Variants in C13orf46 observed in about 807,000 individuals in gnomAD.
C13orf46 encodes the protein chromosome 13 open reading frame 46, also known as uncharacterized protein C13orf46.
chr13:113,969,158 C>A lies in C13orf46; in HGVS notation c.243-398G>T, dbSNP rs1417620885. On this transcript the variant is annotated intron_variant, in intron 2 of 6. Coordinates refer to ENST00000636427, the MANE Select transcript of C13orf46 (RefSeq NM_001365455.2). ...CATGCTGGCCAGTAGGCTGGAGGGT[C>A]CACGGTTGGCCCTGCTGTTACTCGC... 2.0e-5 allele frequency among the ~76,000 whole-genome samples: 3 copies of A among 152,372 alleles called. No individual in the cohort carries two copies. The East Asian group carries it at 5.8e-4, about 29-fold the overall frequency.
At chr13:113,937,900 G>A in the C13orf46 span, among the ~76,000 whole-genome samples, 11 of 152,306 alleles carry the variant, frequency 7.2e-5, no homozygotes, top group South Asian at 8.3e-4. Flanking sequence ...TTTGTCTCAC[G>A]GGAGCAGTGG....
At chr13:113,945,614 AAGAAAGAAAG>A in the C13orf46 span, among the ~76,000 whole-genome samples, 1 of 84,070 alleles carries the variant, frequency 1.2e-5, no homozygotes. Flanking sequence ...AGAAGAAAGA[AAGAAAGAAAG>A]AAAGAAAGAA....
the C13orf46 span, among the ~76,000 whole-genome samples, chr13:113,938,327 G>C: frequency 6.6e-6 from 1 of 152,194 alleles, no homozygotes; most frequent in Non-Finnish European, 1.5e-5. Context: ...TACAGTCCTG[G>C]AGGGGAAAGT....
chr13:113,952,051 C>G (rs1051171498), downstream of C13orf46, among the ~76,000 whole-genome samples: 3 of 152,332 alleles, frequency 2.0e-5, no homozygotes, highest in Admixed American at 6.5e-5. Flanking sequence ...ACGATTGTTC[C>G]GACAGCCCCC....
At chr13:113,942,447 C>T in the C13orf46 span, among the ~76,000 whole-genome samples, 3 of 152,336 alleles carry the variant, frequency 2.0e-5, no homozygotes, top group African/African-American at 7.2e-5. Flanking sequence ...GGACGATTAT[C>T]CCCTACAGAG....
intron 1 of C13orf46, among the ~76,000 whole-genome samples, 181 bp downstream of exon 1, chr13:113,973,627 G>A (rs2052732386): frequency 6.6e-6 from 1 of 152,170 alleles, no homozygotes; most frequent in Non-Finnish European, 1.5e-5. Context: ...ATGACGTCAG[G>A]CCGTGCCCCG....
At chr13:113,968,830 T>C (rs896996581) in intron 2 of C13orf46, 70 bp from the exon 3 acceptor site, 106,665 of 152,358 alleles carry the variant, frequency 0.7, 38,210 homozygotes, top group African/African-American at 0.86. Context: ...TGGTCTCCTC[T>C]GGGTCTGTCT....
At chr13:113,944,336 C>T in the C13orf46 span, among the ~76,000 whole-genome samples, 3 of 152,222 alleles carry the variant, frequency 2.0e-5, no homozygotes, top group South Asian at 2.1e-4. Context: ...ATTCTGATCC[C>T]GGCTCTGCTG....
intron 1 of C13orf46, among the ~76,000 whole-genome samples, chr13:113,971,538 GT>G (rs1320988691): frequency 6.6e-6 from 1 of 152,230 alleles, no homozygotes; most frequent in Non-Finnish European, 1.5e-5. Context: ...GATTCTCACT[GT>G]GCTCTTGCCG....
chr13:113,937,512 T>A, the C13orf46 span, among the ~76,000 whole-genome samples: 4 of 152,242 alleles, frequency 2.6e-5, no homozygotes, highest in Non-Finnish European at 4.4e-5. Context: ...TCAGTAGCGT[T>A]GTAAACCAAA....
At chr13:113,929,523 A>G in the C13orf46 span, among the ~76,000 whole-genome samples, 4 of 152,244 alleles carry the variant, frequency 2.6e-5, no homozygotes, top group African/African-American at 9.6e-5. Flanking sequence ...GTTCAGGCAC[A>G]CGGTGCCCTG....
At chr13:113,939,201 G>A in the C13orf46 span, among the ~76,000 whole-genome samples, 1 of 152,188 alleles carries the variant, frequency 6.6e-6, no homozygotes, top group African/African-American at 2.4e-5. Flanking sequence ...ACATAGGCTT[G>A]GCTGCCTGAC....
chr13:113,955,926 G>A lies in C13orf46; in HGVS notation c.*847C>T, dbSNP rs1247966234. Reference sequence around the variant, plus strand: ...ATCTCGCAGAGAGGAGGAGCATCTCGCGGAGACGAGGAGCATCTGGCGGAG... The same window carrying A: ...ATCTCGCAGAGAGGAGGAGCATCTCACGGAGACGAGGAGCATCTGGCGGAG... On this transcript the variant is annotated 3_prime_UTR_variant, in exon 7 of 7. Transcript: ENST00000636427. The A allele has an allele frequency of 2.0e-4, 31 of 156,140 alleles. No homozygotes were observed. Among genetic ancestry groups the A allele is most frequent in the South Asian group, 6.8e-4 (4 of 5,898 alleles). The allele number at this position is 156,140 out of a possible 1,614,324, so 9.7% of individuals were successfully genotyped here. A position where few individuals can be genotyped will look rare whatever the true frequency, so the allele number is the denominator to read the frequency against.
At chr13:113,972,352 GAGA>G (rs1445010049) in intron 1 of C13orf46, among the ~76,000 whole-genome samples, 7 of 152,332 alleles carry the variant, frequency 4.6e-5, no homozygotes, top group African/African-American at 1.7e-4. Flanking sequence ...TTTAAACTCA[GAGA>G]AGAACACATA....
downstream of C13orf46, among the ~76,000 whole-genome samples, chr13:113,951,507 G>C (rs987774535): frequency 2.6e-4 from 39 of 152,184 alleles, no homozygotes; most frequent in African/African-American, 8.9e-4. Context: ...CCACTCGGGG[G>C]AGATCCCGGC....
chr13:113,934,469 G>T, the C13orf46 span, among the ~76,000 whole-genome samples: 4,620 of 152,294 alleles, frequency 0.03, 118 homozygotes, highest in South Asian at 0.057. Context: ...AGAAGAAGGG[G>T]TCTTGCAATT....
chr13:113,957,023 G>A lies in C13orf46; in HGVS notation c.573-184C>T, dbSNP rs1011704682. 2.4e-3 allele frequency among the ~76,000 whole-genome samples: 335 copies of A among 140,662 alleles called. 2 individuals carry two copies. The highest frequency in any genetic ancestry group is 8.5e-3 in the African/African-American group (317 of 37,358). 92.3% of individuals were successfully genotyped at this position (140,662 alleles called of 152,430 possible). A position where few individuals can be genotyped will look rare whatever the true frequency, so the allele number is the denominator to read the frequency against. ...CCCCTGTACCTGCATATGCACCCCC[G>A]TTCATCAAGTGCACTGGGGGGTCTC... On this transcript the variant is annotated intron_variant, in intron 6 of 6. Transcript: ENST00000636427.
At chr13:113,959,498 A>G (rs1485372234) in intron 6 of C13orf46, among the ~76,000 whole-genome samples, 11 of 152,362 alleles carry the variant, frequency 7.2e-5, no homozygotes, top group African/African-American at 2.6e-4. Flanking sequence ...AAGTGAAACA[A>G]CAGGCACTGG....
chr13:113,958,597 C>T (rs1158068815), intron 6 of C13orf46, among the ~76,000 whole-genome samples: 7 of 152,244 alleles, frequency 4.6e-5, no homozygotes, highest in East Asian at 1.9e-4. Context: ...CAGCCCCCGC[C>T]GCCTGTCCAG....
Sources: gnomAD v4.1 joint callset for allele counts (sites outside exome capture counted in the v4.1 genomes callset) on GRCh38, gnomAD v4.1.1 for gene constraint, MANE v1.5 for transcripts, NCBI Gene and HGNC (gene_info 2026-07-23, HGNC 2026-07-21) for gene names.